Variants in AAK1 observed in about 807,000 individuals in gnomAD.
The protein encoded by AAK1 is AP2-associated protein kinase 1.
A neutral mutation model predicts 116.0 loss-of-function variants in AAK1; 37 were observed. The observed-to-expected ratio is 0.32, with a 90% CI of 0.25 to 0.42. The LOEUF is 0.42. Among genes scored for constraint, AAK1 ranks in the 10% least tolerant of loss-of-function variants. The pLI, the probability that AAK1 is intolerant of heterozygous loss-of-function variation, is 1.00. For missense variants in AAK1, 919 were observed against 1,170.6 expected (o/e 0.79, Z 3.14); for synonymous variants, 458 against 439.9 (o/e 1.04, Z -0.51).
intron 2 of AAK1, among the ~76,000 whole-genome samples, chr2:69,590,315 G>A (rs1057203338): frequency 3.9e-5 from 6 of 152,336 alleles, no homozygotes; most frequent in Admixed American, 6.5e-5. Flanking sequence ...AGCCCTTTCC[G>A]TAGCAGCAGA....
Position 69,544,556 on chromosome 2 carries a change from A to G in AAK1, c.283-12T>C. 6.3e-7 allele frequency: 1 copy of G among 1,588,328 alleles called. No individual in the cohort carries two copies. The highest frequency in any genetic ancestry group is 8.6e-7 in the Non-Finnish European group (1 of 1,156,718). On this transcript the variant is annotated splice_polypyrimidine_tract_variant and intron_variant, in intron 3 of 21. Coordinates refer to ENST00000409085, the MANE Select transcript of AAK1 (RefSeq NM_014911.5). ...CCTGAAAGATCCCTCTGTGAACAAG[A>G]GAGGAGAAATATATTGTTAGTTTCA...
chr2:69,500,734 A>ACACACAC (rs1254999053), intron 16 of AAK1, among the ~76,000 whole-genome samples: 2 of 96,296 alleles, frequency 2.1e-5, no homozygotes, highest in Admixed American at 1.1e-4. Context: ...CACACACACA[A>ACACACAC]CCATTTGCAG....
chr2:69,477,275 T>TTATATAA, intron 20 of AAK1, among the ~76,000 whole-genome samples: 1 of 152,278 alleles, frequency 6.6e-6, no homozygotes, highest in East Asian at 1.9e-4. Context: ...TATTGTGAGG[T>TTATATAA]ATCTCTTCAT....
At chr2:69,594,978 CT>C in intron 2 of AAK1, 1 of 811,588 alleles carries the variant, frequency 1.2e-6, no homozygotes. Context: ...AATCCTTGCC[CT>C]TTTTACTGTG....
intron 13 of AAK1, among the ~76,000 whole-genome samples, chr2:69,513,028 C>T (rs1365277463): frequency 6.6e-6 from 1 of 152,188 alleles, no homozygotes; most frequent in African/African-American, 2.4e-5. Flanking sequence ...GGAGGCTGAA[C>T]TGAATAATTA....
rs1674752615 is a variant in AAK1 at position 69,473,610 on chromosome 2, C to A, written c.*2259G>T. Reference sequence around the variant, plus strand: ...AGCCAAATGACTAGATAATATATTTCAATGTAATTATGGGTAATATATGAA... The same window carrying A: ...AGCCAAATGACTAGATAATATATTTAAATGTAATTATGGGTAATATATGAA... On this transcript the variant is annotated 3_prime_UTR_variant, in exon 22 of 22. Coordinates refer to ENST00000409085, the MANE Select transcript of AAK1 (RefSeq NM_014911.5). 6 of 984,674 alleles carry A rather than the reference C, an allele frequency of 6.1e-6. No individual in the cohort carries two copies. In the South Asian group the frequency reaches 2.4e-4, roughly 39 times the overall value. 61.0% of individuals were successfully genotyped at this position (984,674 alleles called of 1,614,324 possible).
At chr2:69,512,861 T>C (rs1162342173) in intron 13 of AAK1, among the ~76,000 whole-genome samples, 1 of 152,232 alleles carries the variant, frequency 6.6e-6, no homozygotes, top group Non-Finnish European at 1.5e-5. Flanking sequence ...TCAGTAGTAG[T>C]TGATCATTTT....
chr2:69,556,786 G>C (rs549978409), intron 3 of AAK1, 74 bp downstream of exon 3: 3 of 1,190,584 alleles, frequency 2.5e-6, no homozygotes, highest in Non-Finnish European at 3.7e-6. Context: ...AACAAACCCC[G>C]CTTGGCTTTC....
At chr2:69,525,154 C>T in intron 9 of AAK1, 42 bp from the exon 10 acceptor site, 1 of 1,587,638 alleles carries the variant, frequency 6.3e-7, no homozygotes, top group South Asian at 1.1e-5. Context: ...AAAAGGACAT[C>T]ACAGATTTCT....
At chr2:69,590,219 A>T (rs1672970868) in intron 2 of AAK1, among the ~76,000 whole-genome samples, 1 of 152,236 alleles carries the variant, frequency 6.6e-6, no homozygotes, top group Admixed American at 6.5e-5. Flanking sequence ...CTTCCTAGTC[A>T]CTTCAGTACA....
rs1251902975 is a variant in AAK1 at position 69,479,062 on chromosome 2, C to G, written c.2570-1G>C. ...AGGGAATCTTCCCCGGTGAGAGAAT[C>G]TGAGTCCAGATTAACAGCATCCCAG... On this transcript the variant is annotated splice_acceptor_variant, in intron 19 of 21. Coordinates refer to ENST00000409085, the MANE Select transcript of AAK1 (RefSeq NM_014911.5). LOFTEE classifies it high-confidence loss of function. The G allele has an allele frequency of 6.2e-7, 1 of 1,603,820 alleles. No individual in the cohort carries two copies. Among genetic ancestry groups the G allele is most frequent in the Non-Finnish European group, 8.5e-7 (1 of 1,170,724 alleles).
chr2:69,514,272 T>C (rs1331578630), intron 13 of AAK1, among the ~76,000 whole-genome samples, 199 bp downstream of exon 13: 1 of 152,198 alleles, frequency 6.6e-6, no homozygotes, highest in Non-Finnish European at 1.5e-5. Flanking sequence ...CTAGAATCCT[T>C]TTTTAAAAAA....
intron 2 of AAK1, among the ~76,000 whole-genome samples, chr2:69,579,443 G>A (rs1672452915): frequency 6.6e-6 from 1 of 152,178 alleles, no homozygotes; most frequent in Admixed American, 6.5e-5. Flanking sequence ...ACTGGGTGTG[G>A]TGGTGCATGC....
intron 3 of AAK1, among the ~76,000 whole-genome samples, chr2:69,554,086 A>G (rs903986719): frequency 1.3e-5 from 2 of 152,042 alleles, no homozygotes; most frequent in African/African-American, 4.8e-5. Context: ...AGAGAAAAAA[A>G]AAAAGATACT....
chr2:69,639,043 A>G (rs1198267739), intron 2 of AAK1, among the ~76,000 whole-genome samples: 1 of 152,184 alleles, frequency 6.6e-6, no homozygotes, highest in Non-Finnish European at 1.5e-5. Context: ...TTTAAGCCTT[A>G]CTAGTTTGCT....
intron 5 of AAK1, among the ~76,000 whole-genome samples, chr2:69,535,774 G>A (rs1670442810): frequency 6.6e-6 from 1 of 152,074 alleles, no homozygotes; most frequent in Non-Finnish European, 1.5e-5. Context: ...GCTATGCATA[G>A]TACCAGTACT....
chr2:69,583,089 C>A (rs80261879), intron 2 of AAK1, among the ~76,000 whole-genome samples: 2,944 of 152,302 alleles, frequency 0.019, 79 homozygotes, highest in African/African-American at 0.065. Flanking sequence ...CCAAGTTCCA[C>A]AAATAACAAG....
At chr2:69,492,220 CT>C (rs879461266) in intron 17 of AAK1, among the ~76,000 whole-genome samples, 67 of 147,294 alleles carry the variant, frequency 4.5e-4, no homozygotes, top group Admixed American at 4.1e-4. Context: ...GTCCATGAGT[CT>C]TTTTTTTTTT....
chr2:69,589,940 A>C (rs922284756), intron 2 of AAK1, among the ~76,000 whole-genome samples: 5 of 152,130 alleles, frequency 3.3e-5, no homozygotes, highest in African/African-American at 1.2e-4. Flanking sequence ...AAGCAAGATA[A>C]TAAAAAGAGA....
Sources: allele counts gnomAD v4.1 joint callset (sites outside exome capture counted in the v4.1 genomes callset), GRCh38; gene constraint gnomAD v4.1.1; transcripts MANE v1.5; gene names NCBI Gene and HGNC (gene_info 2026-07-23, HGNC 2026-07-21).